FAM177B: variants seen among roughly 807,000 people sequenced by gnomAD.
FAM177B encodes protein FAM177B.
A neutral mutation model predicts 16.1 loss-of-function variants in FAM177B; 16 were observed. The ratio of observed to expected loss-of-function variants is 0.99; its 90% CI spans 0.67 to 1.51. FAM177B has a LOEUF of 1.51. Among genes scored for constraint, FAM177B ranks in the 40% most tolerant of loss-of-function variants. The probability of loss-of-function intolerance (pLI) is 0.00; values close to 1 mark genes in which losing one functional copy is unlikely to be tolerated. For missense variants in FAM177B, 178 were observed against 183.7 expected (o/e 0.97, Z 0.18); for synonymous variants, 56 against 59.9 (o/e 0.93, Z 0.30).
intron 4 of FAM177B, among the ~76,000 whole-genome samples, chr1:222,748,014 T>C (rs1251784675): frequency 1.3e-5 from 2 of 152,092 alleles, no homozygotes; most frequent in African/African-American, 4.8e-5. Context: ...GCTATGAAAG[T>C]GTGGCTGGCT....
chr1:222,739,065 C>G (rs1658411753), intron 2 of FAM177B, among the ~76,000 whole-genome samples: 1 of 152,122 alleles, frequency 6.6e-6, no homozygotes, highest in Admixed American at 6.5e-5. Context: ...CAACAGATAT[C>G]ATCAGTCTGT....
At chr1:222,738,561 C>A (rs1265118134) in intron 2 of FAM177B, among the ~76,000 whole-genome samples, 11 of 9,772 alleles carry the variant, frequency 1.1e-3, no homozygotes, top group Non-Finnish European at 1.7e-3. Flanking sequence ...TCTACAAAAA[C>A]TGCAAAAAAA....
intron 4 of FAM177B, among the ~76,000 whole-genome samples, chr1:222,747,872 G>A (rs1028728787): frequency 1.3e-5 from 2 of 152,232 alleles, no homozygotes; most frequent in African/African-American, 4.8e-5. Context: ...TCAATATTCA[G>A]TGAGTCATAT....
chr1:222,741,057 CTTTTTT>C (rs369907456), intron 2 of FAM177B, among the ~76,000 whole-genome samples: 10 of 82,184 alleles, frequency 1.2e-4, no homozygotes, highest in Admixed American at 8.6e-4. Flanking sequence ...TTTTTGTTTT[CTTTTTT>C]TTTTTTTTTT....
chr1:222,741,057 CTT>C (rs369907456), intron 2 of FAM177B, among the ~76,000 whole-genome samples: 12 of 82,182 alleles, frequency 1.5e-4, no homozygotes, highest in South Asian at 4.4e-4. Flanking sequence ...TTTTTGTTTT[CTT>C]TTTTTTTTTT....
chr1:222,738,266 T>C (rs1217469384), intron 2 of FAM177B, among the ~76,000 whole-genome samples: 1 of 151,960 alleles, frequency 6.6e-6, no homozygotes, highest in East Asian at 1.9e-4. Context: ...AGAAAGCAGA[T>C]AGGAAAGAGA....
In FAM177B at chr1:222,746,552, ATTGACG is replaced by A; in HGVS notation, c.8_13del (p.Ile3_Gly5delinsSer). The A allele has an allele frequency of 6.3e-7, 1 of 1,596,330 alleles. No homozygotes were observed. Reference sequence around the variant, plus strand: ...CTAGTTGTTTTGTTTCATTATGGAGATTGACGGTTTCCAGCAGTTAGACCTAGAGAA... The same window carrying A: ...CTAGTTGTTTTGTTTCATTATGGAGAGTTTCCAGCAGTTAGACCTAGAGAA... On this transcript the variant is annotated inframe_deletion, in exon 3 of 6. Transcript: ENST00000445590.
chr1:222,748,183 C>T (rs997854953), intron 4 of FAM177B, among the ~76,000 whole-genome samples: 4 of 152,066 alleles, frequency 2.6e-5, no homozygotes, highest in Middle Eastern at 3.4e-3. Context: ...TTGAAAATCC[C>T]GTGAATACCA....
intron 2 of FAM177B, among the ~76,000 whole-genome samples, chr1:222,743,396 G>A (rs967958663): frequency 1.3e-5 from 2 of 151,868 alleles, no homozygotes; most frequent in South Asian, 2.1e-4. Flanking sequence ...GACCTCATGC[G>A]ATCCACCCGC....
rs528340146 is a variant in FAM177B, at chr1:222,750,337, A to G, written c.*279A>G. The G allele has an allele frequency of 1.5e-4, 178 of 1,212,130 alleles. No individual in the cohort carries two copies. The South Asian group carries it at 3.1e-3, about 21-fold the overall frequency. 75.1% of individuals were successfully genotyped at this position (1,212,130 alleles called of 1,614,324 possible). A position where few individuals can be genotyped will look rare whatever the true frequency, so the allele number is the denominator to read the frequency against. ...CCACCCCTGTGATACAAGTCCCATG[A>G]GTACTGACATTTGCACAGTAGCATA... On this transcript the variant is annotated 3_prime_UTR_variant, in exon 6 of 6. Coordinates refer to ENST00000445590, the MANE Select transcript of FAM177B (RefSeq NM_001394345.1).
In FAM177B at chr1:222,741,826, TTTTC is replaced by T. The variant is rs368668938; in HGVS notation, c.-16+3817_-16+3820del. On this transcript the variant is annotated intron_variant, in intron 2 of 5. Coordinates refer to ENST00000445590, the MANE Select transcript of FAM177B (RefSeq NM_001394345.1). The stretch of plus-strand genomic sequence containing the variant: ...TCTCTTTCTTTCTTCTTTCTTTCTT[TTTTC>T]TTTCTTTCTTTTTTCCTTCCTTCCT... Among the ~76,000 whole-genome samples the T allele has an allele frequency of 1.3e-3, 201 of 149,638 alleles. 2 individuals are homozygous for T. Among genetic ancestry groups the T allele is most frequent in the African/African-American group, 4.5e-3 (184 of 40,920 alleles).
chr1:222,741,235 AT>A (rs1362834945), intron 2 of FAM177B, among the ~76,000 whole-genome samples: 1 of 149,104 alleles, frequency 6.7e-6, no homozygotes. Context: ...ATTTTTTTGT[AT>A]TTTTTTTAGT....
chr1:222,740,210 G>T (rs2125057918), intron 2 of FAM177B, among the ~76,000 whole-genome samples: 1 of 152,218 alleles, frequency 6.6e-6, no homozygotes, highest in East Asian at 1.9e-4. Context: ...GTAGCAATAA[G>T]ATTTGGTGAT....
intron 2 of FAM177B, among the ~76,000 whole-genome samples, chr1:222,743,322 G>GT (rs1658635187): frequency 6.7e-6 from 1 of 149,508 alleles, no homozygotes; most frequent in African/African-American, 2.5e-5. Flanking sequence ...TAATTTTTGT[G>GT]TTTTGTTTTT....
intron 3 of FAM177B, 53 bp from the exon 4 acceptor site, chr1:222,746,962 G>A: frequency 8.5e-7 from 1 of 1,180,472 alleles, no homozygotes; most frequent in Non-Finnish European, 1.3e-6. Context: ...AAACAAATCT[G>A]CAGTCACCAT....
intron 2 of FAM177B, among the ~76,000 whole-genome samples, chr1:222,740,729 T>G (rs1362633679): frequency 1.3e-5 from 2 of 152,206 alleles, no homozygotes; most frequent in Non-Finnish European, 2.9e-5. Flanking sequence ...AGACAGAGTC[T>G]CGCTCTGTCA....
At chr1:222,749,030 T>C (rs1658926499) in intron 4 of FAM177B, 1 of 472,130 alleles carries the variant, frequency 2.1e-6, no homozygotes, top group African/African-American at 2.0e-5. Flanking sequence ...CTGAGAAGTC[T>C]GTCTGGATGC....
intron 2 of FAM177B, among the ~76,000 whole-genome samples, chr1:222,743,421 G>A (rs914027023): frequency 6.6e-6 from 1 of 152,056 alleles, no homozygotes; most frequent in African/African-American, 2.4e-5. Flanking sequence ...CCCTCCCAAA[G>A]TTCTGGGATT....
intron 2 of FAM177B, among the ~76,000 whole-genome samples, chr1:222,740,467 A>T (rs1355940178): frequency 6.6e-6 from 1 of 151,742 alleles, no homozygotes; most frequent in Non-Finnish European, 1.5e-5. Context: ...CTTCTTTCAC[A>T]GTGTTTCTGT....
Sources: allele counts gnomAD v4.1 joint callset (sites outside exome capture counted in the v4.1 genomes callset), GRCh38; gene constraint gnomAD v4.1.1; transcripts MANE v1.5; gene names NCBI Gene and HGNC (gene_info 2026-07-23, HGNC 2026-07-21).